Variants in CSTPP1 observed in about 807,000 individuals in gnomAD.
CSTPP1 encodes the protein centriolar satellite-associated tubulin polyglutamylase complex regulator 1, also known as UPF0705 protein C11orf49.
the CSTPP1 span, chr11:47,164,262 C>T: frequency 1.9e-6 from 3 of 1,609,648 alleles, no homozygotes; most frequent in Non-Finnish European, 2.5e-6. Context: ...AGGCCAGGGG[C>T]CGGCACTGGG....
At chr11:47,161,314 G>T in the CSTPP1 span, 2 of 1,592,826 alleles carry the variant, frequency 1.3e-6, no homozygotes, top group Non-Finnish European at 1.7e-6. Flanking sequence ...GAAGGGTCTG[G>T]GGGCCAGTGG....
At chr11:47,117,075 T>C in the CSTPP1 span, among the ~76,000 whole-genome samples, 1 of 152,250 alleles carries the variant, frequency 6.6e-6, no homozygotes, top group South Asian at 2.1e-4. Context: ...TGATAGGTCT[T>C]GCCTCTTTTT....
chr11:47,156,937 A>AGC, the CSTPP1 span: 1 of 1,413,164 alleles, frequency 7.1e-7, no homozygotes, highest in South Asian at 1.3e-5. Flanking sequence ...CTGGGCTGAC[A>AGC]GAGAAGGGAA....
the CSTPP1 span, among the ~76,000 whole-genome samples, chr11:47,025,496 T>G: frequency 6.6e-6 from 1 of 152,190 alleles, no homozygotes; most frequent in African/African-American, 2.4e-5. Flanking sequence ...GTATGAAGTA[T>G]TTTTTTCAAC....
At chr11:47,109,554 T>C in the CSTPP1 span, among the ~76,000 whole-genome samples, 1 of 152,204 alleles carries the variant, frequency 6.6e-6, no homozygotes, top group Non-Finnish European at 1.5e-5. Context: ...TCACTGCTGG[T>C]TGCTGCCAGA....
At chr11:47,116,781 G>A in the CSTPP1 span, among the ~76,000 whole-genome samples, 5 of 142,834 alleles carry the variant, frequency 3.5e-5, no homozygotes, top group Admixed American at 3.0e-4. Flanking sequence ...CCGGGTTCAC[G>A]CCATTCTCCT....
At chr11:47,030,024 G>A in the CSTPP1 span, among the ~76,000 whole-genome samples, 1 of 152,046 alleles carries the variant, frequency 6.6e-6, no homozygotes, top group Non-Finnish European at 1.5e-5. Flanking sequence ...CTACACAGGC[G>A]GCTGAGGCAG....
chr11:47,092,667 A>C, the CSTPP1 span, among the ~76,000 whole-genome samples: 1 of 152,166 alleles, frequency 6.6e-6, no homozygotes, highest in Non-Finnish European at 1.5e-5. Context: ...AAATAACACT[A>C]ATTTTATAAC....
the CSTPP1 span, among the ~76,000 whole-genome samples, chr11:47,114,341 G>C: frequency 6.6e-6 from 1 of 152,084 alleles, no homozygotes; most frequent in Non-Finnish European, 1.5e-5. Context: ...GCTCTTTTTT[G>C]GTTCCATATG....
chr11:47,157,264 C>A, the CSTPP1 span: 2 of 1,515,458 alleles, frequency 1.3e-6, no homozygotes, highest in African/African-American at 1.4e-5. Flanking sequence ...CCCAGGGGGT[C>A]GGACTGCTGG....
chr11:47,037,552 T>A, the CSTPP1 span, among the ~76,000 whole-genome samples: 2 of 117,548 alleles, frequency 1.7e-5, no homozygotes, highest in African/African-American at 5.1e-5. Context: ...AGTGTTTGTG[T>A]CCCTGGGTAC....
At chr11:47,099,036 T>TA in the CSTPP1 span, among the ~76,000 whole-genome samples, 12 of 147,230 alleles carry the variant, frequency 8.2e-5, no homozygotes, top group South Asian at 2.1e-4. Flanking sequence ...TGTTCTCCAT[T>TA]AAAAAAAAAA....
the CSTPP1 span, among the ~76,000 whole-genome samples, chr11:47,088,705 C>T: frequency 6.6e-6 from 1 of 152,148 alleles, no homozygotes; most frequent in African/African-American, 2.4e-5. Flanking sequence ...CACCACAACA[C>T]TGGCTAATTT....
the CSTPP1 span, among the ~76,000 whole-genome samples, chr11:47,126,932 CA>C: frequency 2.4e-3 from 320 of 134,506 alleles, no homozygotes; most frequent in African/African-American, 2.5e-3. Flanking sequence ...GATCCTATCT[CA>C]AAAAAAAAAA....
At chr11:46,954,130 A>G in the CSTPP1 span, among the ~76,000 whole-genome samples, 4 of 152,356 alleles carry the variant, frequency 2.6e-5, no homozygotes, top group South Asian at 2.1e-4. Context: ...GAATGCTAAC[A>G]GGAGCAAAGT....
At chr11:47,141,945 A>AC in the CSTPP1 span, among the ~76,000 whole-genome samples, 2 of 149,994 alleles carry the variant, frequency 1.3e-5, no homozygotes, top group Non-Finnish European at 3.0e-5. Context: ...AAAAAAAAAA[A>AC]AAAAAAAAAA....
the CSTPP1 span, chr11:47,155,527 A>G: frequency 1.8e-6 from 1 of 540,558 alleles, no homozygotes. Flanking sequence ...AGTTTAAGTG[A>G]TAATGACAAT....
chr11:47,049,710 G>T, the CSTPP1 span, among the ~76,000 whole-genome samples: 1 of 151,680 alleles, frequency 6.6e-6, no homozygotes, highest in African/African-American at 2.4e-5. Flanking sequence ...GCCCAGGCTG[G>T]ACTCAAACTG....
chr11:47,001,731 A>G, the CSTPP1 span, among the ~76,000 whole-genome samples: 1 of 152,076 alleles, frequency 6.6e-6, no homozygotes, highest in Non-Finnish European at 1.5e-5. Flanking sequence ...TTTCCTACAT[A>G]ATCTATAACA....
Sources: gnomAD v4.1 joint callset for allele counts (sites outside exome capture counted in the v4.1 genomes callset) on GRCh38, gnomAD v4.1.1 for gene constraint, MANE v1.5 for transcripts, NCBI Gene and HGNC (gene_info 2026-07-23, HGNC 2026-07-21) for gene names.